RNF17: variants seen among roughly 807,000 people sequenced by gnomAD.
RNF17 encodes the protein spermatogenesis associated 23.
Under a neutral mutation model 200.5 loss-of-function variants are expected in RNF17, and 31 were observed. That is an observed-to-expected ratio of 0.15 (90% CI 0.12 to 0.21). The LOEUF (loss-of-function observed/expected upper bound fraction) is 0.21. Ranked by LOEUF, RNF17 falls within the 10% of genes least tolerant of loss-of-function variation. The pLI is 1.00. For missense variants in RNF17, 1,628 were observed against 1,905.1 expected, an observed-to-expected ratio of 0.85 and a Z score of 2.71; for synonymous variants, 606 against 637.8, an observed-to-expected ratio of 0.95 and a Z score of 0.75.
At chr13:24,879,354 T>G in intron 35 of RNF17, 59 bp downstream of exon 35, 1 of 1,148,846 alleles carries the variant, frequency 8.7e-7, no homozygotes, top group South Asian at 1.3e-5. Context: ...GAATGCTAGA[T>G]TGATCAGAAA....
chr13:24,842,698 CAAAG>C lies in RNF17; in HGVS notation c.2603+540_2603+543del, dbSNP rs1268895562. On this transcript the variant is annotated intron_variant, in intron 19 of 35. Coordinates refer to ENST00000255324, the MANE Select transcript of RNF17 (RefSeq NM_031277.3). ...AGGTGGGAGGGTTTTGAGGTCAAGA[CAAAG>C]AATTCTTGCACAACAGGGACTTGTG... is the stretch of plus-strand genomic sequence containing the variant. Among the ~76,000 whole-genome samples, 14 of 152,178 alleles carry C rather than the reference CAAAG, an allele frequency of 9.2e-5. No homozygotes were observed. In the South Asian group the frequency reaches 1.0e-3, roughly 11 times the overall value.
chr13:24,857,740 C>T (rs1475724071), intron 25 of RNF17, among the ~76,000 whole-genome samples: 1 of 152,128 alleles, frequency 6.6e-6, no homozygotes, highest in African/African-American at 2.4e-5. Flanking sequence ...CGCTACAAAA[C>T]ATGCAAAGAT....
At position 24,825,722 on chromosome 13, in the gene RNF17, C is replaced by T. The variant is rs1271397545; in HGVS notation, c.2195C>T (p.Ala732Val). The T allele has an allele frequency of 1.2e-6, 2 of 1,613,330 alleles. No homozygotes were observed. Among genetic ancestry groups the T allele is most frequent in the Admixed American group, 3.3e-5 (2 of 59,954 alleles). ...LEILCPVQDQ[A>V]CVAKFEDGIW... ...ATCCTCTGTCCAGTTCAAGATCAAG[C>T]CTGTGTAGCTAAATTTGAAGATGGA... The change falls in exon 16 of 36, where the codon GCC becomes GTC. Residue 732 changes from alanine (A) to valine (V), a missense_variant. Ala to Val is a moderately conservative substitution (Grantham distance 64, BLOSUM62 0). This residue lies in a region of RNF17 where 289 missense variants were observed against 384.9 expected (regional missense o/e 0.75). Transcript: ENST00000255324.
intron 25 of RNF17, among the ~76,000 whole-genome samples, chr13:24,858,131 T>G (rs944708242): frequency 1.3e-5 from 2 of 152,186 alleles, no homozygotes; most frequent in African/African-American, 4.8e-5. Context: ...TTAGTACCTA[T>G]GGATAAGGGT....
chr13:24,850,659 T>C (rs1891784573), intron 23 of RNF17, among the ~76,000 whole-genome samples: 1 of 152,266 alleles, frequency 6.6e-6, no homozygotes, highest in Non-Finnish European at 1.5e-5. Context: ...TTTATTACAT[T>C]GAGTAGAATT....
intron 10 of RNF17, among the ~76,000 whole-genome samples, chr13:24,795,224 A>C (rs887090721): frequency 2.8e-4 from 42 of 152,136 alleles, no homozygotes; most frequent in African/African-American, 8.9e-4. Context: ...AAACAATTTT[A>C]CCATGTAAAC....
chr13:24,835,154 C>CCCA (rs1889840269), intron 18 of RNF17, among the ~76,000 whole-genome samples: 1 of 152,086 alleles, frequency 6.6e-6, no homozygotes, highest in African/African-American at 2.4e-5. Context: ...CCATCCCCCA[C>CCCA]AGCAGCCTCA....
rs1883366405 is a variant in RNF17, at chr13:24,788,212, G to A, written c.783+53G>A. The A allele has an allele frequency of 1.5e-5, 20 of 1,335,064 alleles. No homozygotes were observed. In the South Asian group the frequency reaches 2.6e-4, roughly 17 times the overall value. 82.7% of individuals were successfully genotyped at this position (1,335,064 alleles called of 1,614,324 possible). On this transcript the variant is annotated intron_variant, in intron 7 of 35. Transcript: ENST00000255324. ...ATTTCTGTGGTAGCTTATTTTACAT[G>A]CTTTGGAATATATTTAAGACAAGAA...
Position 24,874,171 on chromosome 13 carries a change from C to A in RNF17, c.4505C>A (p.Ala1502Asp). The A allele has an allele frequency of 6.2e-7, 1 of 1,611,024 alleles. No homozygotes were observed. The highest frequency in any genetic ancestry group is 8.5e-7 in the Non-Finnish European group (1 of 1,178,586). Residue 1502 changes from alanine to aspartate, a missense_variant, in exon 33 of 36, where the codon GCC (alanine) becomes GAC (aspartate). By Grantham distance (126) the Ala-to-Asp change is moderately radical. Around this residue, in one of 5 missense-constraint regions of RNF17, gnomAD observed 609 missense variants for 681.9 expected, o/e 0.89. Transcript: ENST00000255324. ...TTATGGTATAGAGCGAAGATTGTTG[C>A]CATTAAAGAATTTAATCCTTTATCT... The part of the protein sequence containing the change: ...DGLWYRAKIV[A>D]IKEFNPLSIL...
chr13:24,771,294 A>G (rs1183821077), intron 2 of RNF17, among the ~76,000 whole-genome samples: 1 of 146,114 alleles, frequency 6.8e-6, no homozygotes, highest in African/African-American at 2.5e-5. Context: ...AGCTGGGACT[A>G]AAGGGGAGTA....
At chr13:24,827,701 CA>C (rs538402990) in intron 16 of RNF17, among the ~76,000 whole-genome samples, 1 of 12,248 alleles carries the variant, frequency 8.2e-5, no homozygotes, top group African/African-American at 3.6e-4. Context: ...GACTCCGTCT[CA>C]AAAAAAAAAA....
At chr13:24,873,898 A>G (rs574741298) in intron 32 of RNF17, among the ~76,000 whole-genome samples, 1 of 152,246 alleles carries the variant, frequency 6.6e-6, no homozygotes, top group East Asian at 1.9e-4. Flanking sequence ...ATTCTTTTTT[A>G]TGGCCAAATA....
intron 27 of RNF17, 124 bp downstream of exon 27, chr13:24,861,511 C>T: frequency 1.6e-6 from 1 of 617,382 alleles, no homozygotes; most frequent in Non-Finnish European, 2.5e-6. Flanking sequence ...AAAACACCAA[C>T]AAATAAGTTA....
intron 11 of RNF17, among the ~76,000 whole-genome samples, chr13:24,797,705 A>AGTTTGTGTGTCTCTGTGTGTGTGT (rs59493601): frequency 2.5e-5 from 3 of 119,048 alleles, no homozygotes; most frequent in Admixed American, 1.8e-4. Flanking sequence ...AGAGACAAAG[A>AGTTTGTGTGTCTCTGTGTGTGTGT]GTGTGTGTGT....
chr13:24,811,736 AG>A (rs1309657922), intron 15 of RNF17, among the ~76,000 whole-genome samples: 2 of 90,778 alleles, frequency 2.2e-5, no homozygotes, highest in East Asian at 3.7e-4. Context: ...TAGAGTTTCC[AG>A]TTTTTCTGCT....
At chr13:24,795,541 T>C (rs931170354) in intron 10 of RNF17, among the ~76,000 whole-genome samples, 34 of 151,798 alleles carry the variant, frequency 2.2e-4, no homozygotes, top group African/African-American at 7.3e-4. Flanking sequence ...CTTAAGAAAA[T>C]TTTCTGACTG....
chr13:24,791,169 C>T (rs1883797234), intron 9 of RNF17, among the ~76,000 whole-genome samples: 1 of 151,914 alleles, frequency 6.6e-6, no homozygotes, highest in African/African-American at 2.4e-5. Flanking sequence ...GATTATTTGG[C>T]GTAAGAGGAT....
At chr13:24,765,925 T>A (rs909967259) in intron 1 of RNF17, among the ~76,000 whole-genome samples, 2 of 152,190 alleles carry the variant, frequency 1.3e-5, no homozygotes, top group Admixed American at 1.3e-4. Context: ...GTAAAGTTTT[T>A]AAAAAATACA....
chr13:24,763,288 C>T (rs757577866), upstream of RNF17, among the ~76,000 whole-genome samples: 59 of 151,220 alleles, frequency 3.9e-4, no homozygotes, highest in Non-Finnish European at 6.9e-4. Flanking sequence ...CTGCAAGCTC[C>T]GCCTCCCAGG....
Sources: gnomAD v4.1 joint callset for allele counts (sites outside exome capture counted in the v4.1 genomes callset) on GRCh38, gnomAD v4.1.1 for gene constraint, gnomAD v4.1.1 regional missense constraint, MANE v1.5 for transcripts, NCBI Gene and HGNC (gene_info 2026-07-23, HGNC 2026-07-21) for gene names.